The following CYP4F3 variants were observed in gnomAD, a reference collection of about 807,000 sequenced individuals.
The protein encoded by CYP4F3 is cytochrome P450 family 4 subfamily F member 3.
Under a neutral mutation model 54.8 loss-of-function variants are expected in CYP4F3, and 50 were observed. That is an observed-to-expected ratio of 0.91 (90% CI 0.73 to 1.16). The LOEUF (loss-of-function observed/expected upper bound fraction) is 1.16. Among genes scored for constraint, CYP4F3 ranks in the 50% most tolerant of loss-of-function variants. The probability of loss-of-function intolerance (pLI) is 0.00; values close to 1 mark genes in which losing one functional copy is unlikely to be tolerated. For missense variants in CYP4F3, 715 were observed against 676.2 expected (o/e 1.06, Z -0.64); for synonymous variants, 244 against 262.6 (o/e 0.93, Z 0.69).
intron 9 of CYP4F3, among the ~76,000 whole-genome samples, chr19:15,655,499 A>G (rs913966729): frequency 6.6e-6 from 1 of 152,220 alleles, no homozygotes; most frequent in East Asian, 1.9e-4. Context: ...TAGTTTAAAA[A>G]AAATGGTCGA....
At position 15,641,534 on chromosome 19, in the gene CYP4F3, C is replaced by T. The variant is rs1197290368; in HGVS notation, c.119C>T (p.Thr40Ile). 6.2e-7 allele frequency: 1 copy of T among 1,614,078 alleles called. No individual in the cohort carries two copies. The highest frequency in any genetic ancestry group is 1.3e-5 in the African/African-American group (1 of 74,918). ...GCCCGCATCCTGGCCTGGACCTATA[C>T]CTTCTATGACAACTGCTGCCGCCTC... is the stretch of plus-strand genomic sequence containing the variant. ...LLARILAWTY[T>I]FYDNCCRLRC... Residue 40 changes from threonine (T) to isoleucine (I), a missense_variant, in exon 2 of 13, where the codon ACC becomes ATC. Transcript: ENST00000221307.
At chr19:15,647,368 G>C (rs773872449) in intron 5 of CYP4F3, 44 bp downstream of exon 5, 16 of 1,612,262 alleles carry the variant, frequency 9.9e-6, no homozygotes, top group Middle Eastern at 1.6e-4. Context: ...CCTTTGGTTG[G>C]GGGGAACCAC....
chr19:15,652,810 T>C lies in CYP4F3; in HGVS notation c.986-13T>C. The C allele has an allele frequency of 6.2e-7, 1 of 1,608,198 alleles. No individual in the cohort carries two copies. Among genetic ancestry groups the C allele is most frequent in the Non-Finnish European group, 8.5e-7 (1 of 1,176,992 alleles). The stretch of plus-strand genomic sequence containing the variant: ...GCAGCCCAGAGACCCAAGCCTGCCT[T>C]GCTGCCCCCCAGGCCATGACACCAC... On this transcript the variant is annotated splice_polypyrimidine_tract_variant and intron_variant, in intron 8 of 12. Coordinates refer to ENST00000221307, the MANE Select transcript of CYP4F3 (RefSeq NM_000896.3).
At chr19:15,659,017 C>G (rs8101043) in intron 12 of CYP4F3, among the ~76,000 whole-genome samples, 21,112 of 134,410 alleles carry the variant, frequency 0.16, 1,788 homozygotes, top group Middle Eastern at 0.26. Context: ...CCTCCTACCC[C>G]ACCTTGGTCT....
chr19:15,643,385 T>A (rs1489722779), intron 2 of CYP4F3, among the ~76,000 whole-genome samples: 1 of 150,682 alleles, frequency 6.6e-6, no homozygotes, highest in Non-Finnish European at 1.5e-5. Flanking sequence ...TAGGTAGATA[T>A]GTAGAGATAT....
chr19:15,656,570 A>C (rs184238119), intron 9 of CYP4F3, among the ~76,000 whole-genome samples: 2 of 150,276 alleles, frequency 1.3e-5, no homozygotes, highest in East Asian at 2.0e-4. Context: ...TCTATCATCT[A>C]TCAATGTATC....
chr19:15,641,398 C>A lies in CYP4F3; in HGVS notation c.-1-17C>A. The stretch of plus-strand genomic sequence containing the variant: ...CTGGGCCTCAGGACCTCACTCACCA[C>A]CCCATCTGCCCTGCAGGATGCCACA... On this transcript the variant is annotated splice_polypyrimidine_tract_variant and intron_variant, in intron 1 of 12. Coordinates refer to ENST00000221307, the MANE Select transcript of CYP4F3 (RefSeq NM_000896.3). 6.2e-7 allele frequency: 1 copy of A among 1,613,602 alleles called. No homozygotes were observed. Among genetic ancestry groups the A allele is most frequent in the East Asian group, 2.2e-5 (1 of 44,864 alleles).
chr19:15,656,608 CTATCTATCATCTATGTATCTCTG>C (rs1388088880), intron 9 of CYP4F3, among the ~76,000 whole-genome samples: 9 of 151,734 alleles, frequency 5.9e-5, no homozygotes, highest in Non-Finnish European at 1.0e-4. Context: ...ATCTGTCTAT[CTATCTATCATCTATGTATCTCTG>C]TATCTATCAT....
intron 9 of CYP4F3, 40 bp downstream of exon 9, chr19:15,652,992 C>T (rs1203968741): frequency 6.4e-7 from 1 of 1,566,722 alleles, no homozygotes; most frequent in Non-Finnish European, 8.6e-7. Flanking sequence ...GAGCCTGTCT[C>T]ATTGGCTCTG....
intron 9 of CYP4F3, among the ~76,000 whole-genome samples, chr19:15,654,436 C>T (rs1972960837): frequency 6.6e-6 from 1 of 152,152 alleles, no homozygotes; most frequent in Non-Finnish European, 1.5e-5. Flanking sequence ...ATATTGTAAA[C>T]TACAGTGAAC....
chr19:15,656,524 T>TCTATGTATCTATCTATCTATC (rs60912344), intron 9 of CYP4F3, among the ~76,000 whole-genome samples: 2,472 of 70,610 alleles, frequency 0.035, 33 homozygotes, highest in South Asian at 0.085. Context: ...TATCTATCTA[T>TCTATGTATCTATCTATCTATC]TTCTATCATC....
chr19:15,656,715 C>G (rs1211820123), intron 9 of CYP4F3, among the ~76,000 whole-genome samples: 1 of 136,444 alleles, frequency 7.3e-6, no homozygotes, highest in African/African-American at 2.7e-5. Flanking sequence ...ATGTATCTAT[C>G]TATATCATCT....
Position 15,659,332 on chromosome 19 carries a change from C to T in CYP4F3, c.1510C>T (p.Leu504=). 4 of 1,613,664 alleles carry T rather than the reference C, an allele frequency of 2.5e-6. No homozygotes were observed. The highest frequency in any genetic ancestry group is 2.5e-6 in the Non-Finnish European group (3 of 1,179,852). ...CACCGAGCCCCGCAGGAAGCCGGAG[C>T]TGGTCCTGCGCGCAGAGGGCGGACT... The part of the protein sequence containing the change: ...DHTEPRRKPE[L]VLRAEGGLWL... Residue 504 remains leucine, a synonymous_variant, in exon 13 of 13, where the codon CTG becomes TTG. Coordinates refer to ENST00000221307, the MANE Select transcript of CYP4F3 (RefSeq NM_000896.3).
intron 5 of CYP4F3, 30 bp downstream of exon 5, chr19:15,647,354 G>A: frequency 6.2e-7 from 1 of 1,613,460 alleles, no homozygotes; most frequent in South Asian, 1.1e-5. Context: ...GGTCCCAGCT[G>A]CAGCCTTTGG....
At position 15,649,992 on chromosome 19, in the gene CYP4F3, A is replaced by C; in HGVS notation, c.727A>C (p.Ile243Leu). ...TKRHQQILLY[I>L]DFLYYLTPDG... is the part of the protein sequence containing the mutation. ...AAGACACCAGCAGATCCTCCTGTACATAGACTTCCTGTATTATCTCACCCC... is the reference window on the plus strand; with the variant it reads ...AAGACACCAGCAGATCCTCCTGTACCTAGACTTCCTGTATTATCTCACCCC... Residue 243 changes from isoleucine to leucine, a missense_variant, in exon 7 of 13, where the codon ATA becomes CTA. Ile to Leu is a conservative substitution (Grantham distance 5). Coordinates refer to ENST00000221307, the MANE Select transcript of CYP4F3 (RefSeq NM_000896.3). The C allele has an allele frequency of 1.2e-6, 2 of 1,614,168 alleles. No individual in the cohort carries two copies. The highest frequency in any genetic ancestry group is 1.7e-5 in the Admixed American group (1 of 60,024).
chr19:15,648,217 C>A (rs1219040115), intron 5 of CYP4F3, among the ~76,000 whole-genome samples: 1 of 151,976 alleles, frequency 6.6e-6, no homozygotes. Context: ...GGGTCAGAGA[C>A]AAAGGATAGT....
chr19:15,652,335 T>C (rs112936237), intron 7 of CYP4F3, among the ~76,000 whole-genome samples: 1 of 152,142 alleles, frequency 6.6e-6, no homozygotes, highest in African/African-American at 2.4e-5. Context: ...CATTCATGGG[T>C]CATTGAGTCT....
chr19:15,661,149 C>T lies in CYP4F3; in HGVS notation c.*1764C>T, dbSNP rs1973173530. Reference sequence around the variant, plus strand: ...TGGTGGTGCGGGCCTGTAATCCCAGCTACTCGGGAGGCTGATGCGGGAGAA... The same window carrying T: ...TGGTGGTGCGGGCCTGTAATCCCAGTTACTCGGGAGGCTGATGCGGGAGAA... On this transcript the variant is annotated 3_prime_UTR_variant, in exon 13 of 13. Transcript: ENST00000221307. 1 of 152,034 alleles carries T rather than the reference C, an allele frequency of 6.6e-6. No homozygotes were observed. The highest frequency in any genetic ancestry group is 1.5e-5 in the Non-Finnish European group (1 of 68,038). The allele number at this position is 152,034 out of a possible 1,614,324, so 9.4% of individuals were successfully genotyped here.
intron 7 of CYP4F3, 170 bp downstream of exon 7, chr19:15,650,353 C>G: frequency 7.7e-7 from 1 of 1,298,604 alleles, no homozygotes; most frequent in Non-Finnish European, 1.1e-6. Flanking sequence ...TGGACTAGCA[C>G]CTACCAGGGG....
Sources: gnomAD v4.1 joint callset for allele counts (sites outside exome capture counted in the v4.1 genomes callset) on GRCh38, gnomAD v4.1.1 for gene constraint, MANE v1.5 for transcripts, NCBI Gene and HGNC (gene_info 2026-07-23, HGNC 2026-07-21) for gene names.